Variants in RASA3 observed in about 807,000 individuals in gnomAD.
The protein encoded by RASA3 is ras GTPase-activating protein 3.
RASA3 carries 73 observed loss-of-function variants against 110.0 expected under a neutral mutation model. The observed-to-expected ratio is 0.66, with a 90% CI of 0.55 to 0.81. The LOEUF (loss-of-function observed/expected upper bound fraction) is 0.81, where lower values mean the gene tolerates loss of function less well. RASA3 is among the 30% of genes least tolerant of loss of function. The pLI is 0.00. For synonymous variants in RASA3, 500 were observed against 451.4 expected (o/e 1.11, Z -1.37); for missense variants, 976 against 1,113.2 (o/e 0.88, Z 1.75).
chr13:113,998,934 G>A (rs931205115), intron 20 of RASA3, among the ~76,000 whole-genome samples: 4 of 152,248 alleles, frequency 2.6e-5, no homozygotes, highest in African/African-American at 9.6e-5. Context: ...GGCGACGTGC[G>A]ATGGTGGCTG....
At chr13:113,981,450 G>T (rs556019982) in intron 23 of RASA3, among the ~76,000 whole-genome samples, 2 of 152,214 alleles carry the variant, frequency 1.3e-5, no homozygotes, top group African/African-American at 4.8e-5. Context: ...CTGGCTGGGG[G>T]CCTGGAGAGC....
chr13:114,052,877 G>T (rs369678614), intron 2 of RASA3, among the ~76,000 whole-genome samples: 7 of 108,524 alleles, frequency 6.5e-5, no homozygotes, highest in African/African-American at 2.0e-4. Flanking sequence ...AGAGACCCCC[G>T]CTGCTGACTG....
intron 4 of RASA3, among the ~76,000 whole-genome samples, chr13:114,038,321 G>A (rs925538844): frequency 1.4e-4 from 22 of 152,252 alleles, no homozygotes; most frequent in African/African-American, 4.3e-4. Flanking sequence ...CCTTTCTGCC[G>A]GGACGCCAAG....
intron 9 of RASA3, among the ~76,000 whole-genome samples, chr13:114,020,049 T>G (rs7324927): frequency 2.4e-5 from 1 of 41,766 alleles, no homozygotes; most frequent in African/African-American, 2.3e-4. Context: ...GTGGAGCCTG[T>G]GTCCGAGGCA....
At position 113,979,701 on chromosome 13, in the gene RASA3, GTGTA is replaced by G. The variant is rs2052863686; in HGVS notation, c.2430-283_2430-280del. Among the ~76,000 whole-genome samples, 6 of 152,202 alleles carry G rather than the reference GTGTA, an allele frequency of 3.9e-5. 1 individual carries two copies. The South Asian group carries it at 1.2e-3, about 31-fold the overall frequency. ...CATGTGCAGATGTGGAATATGTAGA[GTGTA>G]TGGCACGTGTGCAGAATGTGCACAT... On this transcript the variant is annotated intron_variant, in intron 23 of 23. Transcript: ENST00000334062.
chr13:114,107,411 C>T (rs867840820), intron 1 of RASA3, among the ~76,000 whole-genome samples: 2 of 152,232 alleles, frequency 1.3e-5, no homozygotes, highest in African/African-American at 2.4e-5. Context: ...GATTTTCCCA[C>T]GCTGGAGGTC....
intron 23 of RASA3, among the ~76,000 whole-genome samples, chr13:113,979,778 G>C (rs546497527): frequency 2.6e-5 from 4 of 152,136 alleles, no homozygotes; most frequent in Non-Finnish European, 4.4e-5. Flanking sequence ...GAGCTCCAGG[G>C]ACACAGATCT....
chr13:114,081,181 G>A (rs1156398920), intron 1 of RASA3, among the ~76,000 whole-genome samples: 4 of 145,868 alleles, frequency 2.7e-5, no homozygotes, highest in African/African-American at 1.1e-4. Context: ...CCCTCCTCTC[G>A]TGCTTGGTGC....
chr13:114,114,132 C>G lies in RASA3; in HGVS notation c.55+18303G>C, dbSNP rs1460782314. Among the ~76,000 whole-genome samples the G allele has an allele frequency of 6.6e-6, 1 of 152,232 alleles. No individual in the cohort carries two copies. Among genetic ancestry groups the G allele is most frequent in the Non-Finnish European group, 1.5e-5 (1 of 68,052 alleles). Reference sequence around the variant, plus strand: ...GCGATGTCTGTAGTATCTGCAATGTCCATGCAGCTCTCACCATGTCCATCA... The same window carrying G: ...GCGATGTCTGTAGTATCTGCAATGTGCATGCAGCTCTCACCATGTCCATCA... On this transcript the variant is annotated intron_variant, in intron 1 of 23. Coordinates refer to ENST00000334062, the MANE Select transcript of RASA3 (RefSeq NM_007368.4). This position sits in a 1 kb window ranked among gnomAD's most constrained non-coding sequence, Gnocchi z 4.8.
rs775972632 is a variant in RASA3 at position 114,021,411 on chromosome 13, C to G, written c.778G>C (p.Glu260Gln). The G allele has an allele frequency of 1.3e-5, 21 of 1,613,868 alleles. No homozygotes were observed. Among genetic ancestry groups the G allele is most frequent in the Non-Finnish European group, 1.5e-5 (18 of 1,179,900 alleles). Residue 260 changes from glutamate (E) to glutamine (Q), a missense_variant, in exon 9 of 24, where the codon GAG becomes CAG. Glu to Gln is a conservative substitution (Grantham distance 29). This residue lies in a region of RASA3 where 732 missense variants were observed against 779.7 expected (regional missense o/e 0.94). Coordinates refer to ENST00000334062, the MANE Select transcript of RASA3 (RefSeq NM_007368.4). ...GGTGCAACATCATCTTACCACGCCT[C>G]GTAGGAGCTGGACTGCCGCAGGACT... ...LKVLRQSSSYEAWYFLQPRDN... is the reference protein window; with the variant it reads ...LKVLRQSSSYQAWYFLQPRDN...
intron 1 of RASA3, among the ~76,000 whole-genome samples, chr13:114,131,622 C>T (rs983265370): frequency 1.3e-5 from 2 of 152,236 alleles, no homozygotes; most frequent in African/African-American, 4.8e-5. Context: ...GCTCGCCCGC[C>T]ACTTCTCAGT....
chr13:114,060,967 T>TGGAGCCCCCCACAGCCGGCAGAC (rs1354711685), intron 2 of RASA3, among the ~76,000 whole-genome samples: 8 of 145,430 alleles, frequency 5.5e-5, no homozygotes, highest in South Asian at 2.2e-4. Flanking sequence ...AGCCGGCAGA[T>TGGAGCCCCCCACAGCCGGCAGAC]GGAGCCCCCC....
At chr13:114,004,473 C>T (rs1318427161) in intron 18 of RASA3, among the ~76,000 whole-genome samples, 2 of 152,084 alleles carry the variant, frequency 1.3e-5, no homozygotes, top group Admixed American at 6.6e-5. Flanking sequence ...TAAAGCCCAG[C>T]GTGGCTCATC....
intron 2 of RASA3, among the ~76,000 whole-genome samples, chr13:114,067,129 C>T (rs1346783982): frequency 2.8e-5 from 4 of 143,072 alleles, no homozygotes; most frequent in South Asian, 2.3e-4. Context: ...GGGCTGAGGA[C>T]GGGCCCCCCA....
intron 4 of RASA3, among the ~76,000 whole-genome samples, chr13:114,034,177 G>A (rs963231780): frequency 4.6e-5 from 7 of 152,202 alleles, no homozygotes; most frequent in Admixed American, 4.6e-4. Context: ...GGCTATCCAC[G>A]GGCTAAAGGA....
Position 114,082,515 on chromosome 13 carries a change from G to A in RASA3, c.56-8678C>T, listed in dbSNP as rs562744214. On this transcript the variant is annotated intron_variant, in intron 1 of 23. Transcript: ENST00000334062. ...CTCCGAGGCTCCGAGGCTGCTCCCC[G>A]GGTGGACACACGCGCTTGAATGGAG... Among the ~76,000 whole-genome samples, 8 of 152,366 alleles carry A rather than the reference G, an allele frequency of 5.3e-5. 1 individual carries two copies. Among genetic ancestry groups the A allele is most frequent in the African/African-American group, 1.4e-4 (6 of 41,584 alleles).
Position 114,096,166 on chromosome 13 carries a change from G to A in RASA3, c.56-22329C>T, listed in dbSNP as rs982959753. Among the ~76,000 whole-genome samples, 3 of 152,192 alleles carry A rather than the reference G, an allele frequency of 2.0e-5. No individual in the cohort carries two copies. Among genetic ancestry groups the A allele is most frequent in the African/African-American group, 4.8e-5 (2 of 41,444 alleles). The stretch of plus-strand genomic sequence containing the variant: ...GTGGCATCGGTGTGCCGGAAAAGGG[G>A]TGCTCTCCAGGTGGCCCTGGCGGCA... On this transcript the variant is annotated intron_variant, in intron 1 of 23. Transcript: ENST00000334062. This position sits in a 1 kb window ranked among gnomAD's most constrained non-coding sequence, Gnocchi z 5.1.
At chr13:114,017,393 G>T in intron 11 of RASA3, 42 bp from the exon 12 acceptor site, 2 of 1,527,916 alleles carry the variant, frequency 1.3e-6, no homozygotes, top group Non-Finnish European at 9.1e-7. Context: ...TCCTGGGGAC[G>T]CGGAAGTGCA....
chr13:114,043,044 G>A (rs2054448216), intron 3 of RASA3, among the ~76,000 whole-genome samples: 1 of 152,192 alleles, frequency 6.6e-6, no homozygotes, highest in African/African-American at 2.4e-5. Flanking sequence ...GGGCTCATGC[G>A]AGCGAGACCT....
Sources: gnomAD v4.1 joint callset for allele counts (sites outside exome capture counted in the v4.1 genomes callset) on GRCh38, gnomAD v4.1.1 for gene constraint, gnomAD v4.1.1 regional missense constraint, Gnocchi (gnomAD v3.1) non-coding constraint, MANE v1.5 for transcripts, NCBI Gene and HGNC (gene_info 2026-07-23, HGNC 2026-07-21) for gene names.